EXOSC7: variants seen among roughly 807,000 people sequenced by gnomAD.
EXOSC7 encodes exosome complex component RRP42.
In EXOSC7, 25 loss-of-function variants were observed where a neutral mutation model predicts 34.3. The ratio of observed to expected loss-of-function variants is 0.73; its 90% confidence interval spans 0.53 to 1.02. The LOEUF is 1.02. Among genes scored for constraint, EXOSC7 ranks in the 50% least tolerant of loss-of-function variants. EXOSC7 has a pLI of 0.00. For synonymous variants in EXOSC7, 130 were observed against 143.0 expected (o/e 0.91, Z 0.65); for missense variants, 370 against 368.5 (o/e 1.00, Z -0.03).
At chr3:44,979,135 A>G (rs1390254362) in intron 1 of EXOSC7, among the ~76,000 whole-genome samples, 2 of 152,226 alleles carry the variant, frequency 1.3e-5, no homozygotes, top group Non-Finnish European at 2.9e-5. Context: ...AAAATATGCC[A>G]TATGTATAGA....
chr3:45,007,414 TTG>T lies in EXOSC7; in HGVS notation c.616-5_616-4del. ...CCACCGTGTGCCACGCACCCTGCCT[TTG>T]CAGATTGGCTATCGGCATGTGGTGG... On this transcript the variant is annotated splice_region_variant and splice_polypyrimidine_tract_variant and intron_variant, in intron 6 of 7. Coordinates refer to ENST00000265564, the MANE Select transcript of EXOSC7 (RefSeq NM_015004.4). 1 of 1,614,024 alleles carries T rather than the reference TTG, an allele frequency of 6.2e-7. No individual in the cohort carries two copies. Among genetic ancestry groups the T allele is most frequent in the Non-Finnish European group, 8.5e-7 (1 of 1,179,968 alleles).
intron 3 of EXOSC7, 128 bp downstream of exon 3, chr3:44,989,772 G>T: frequency 1.4e-6 from 1 of 697,190 alleles, no homozygotes; most frequent in Non-Finnish European, 2.5e-6. Context: ...GCAGGCATTT[G>T]CTGACCTCCT....
intron 3 of EXOSC7, among the ~76,000 whole-genome samples, chr3:44,990,461 C>T (rs1195853267): frequency 6.6e-6 from 1 of 152,088 alleles, no homozygotes; most frequent in African/African-American, 2.4e-5. Flanking sequence ...TACTTTGCTT[C>T]TGGAAGCCAG....
At chr3:44,976,478 CG>C in intron 1 of EXOSC7, 144 bp downstream of exon 1, 2 of 721,534 alleles carry the variant, frequency 2.8e-6, no homozygotes, top group East Asian at 6.8e-5. Flanking sequence ...CTGCTGCCGG[CG>C]TTTGCAATTC....
intron 1 of EXOSC7, among the ~76,000 whole-genome samples, chr3:44,983,249 T>C (rs923771520): frequency 6.6e-6 from 1 of 152,212 alleles, no homozygotes; most frequent in Non-Finnish European, 1.5e-5. Context: ...TCCATTCTTA[T>C]CTGTAACCTC....
intron 7 of EXOSC7, among the ~76,000 whole-genome samples, chr3:45,008,894 C>T (rs554084787): frequency 6.6e-6 from 1 of 152,346 alleles, no homozygotes; most frequent in South Asian, 2.1e-4. Context: ...TTATTGTGTG[C>T]GTACTATGTG....
intron 3 of EXOSC7, among the ~76,000 whole-genome samples, chr3:44,995,059 A>C (rs186669295): frequency 6.6e-6 from 1 of 152,112 alleles, no homozygotes; most frequent in Non-Finnish European, 1.5e-5. Flanking sequence ...ATCTCAGCTC[A>C]CTGCAACCTC....
At chr3:44,978,933 G>A (rs1706198131) in intron 1 of EXOSC7, among the ~76,000 whole-genome samples, 1 of 152,154 alleles carries the variant, frequency 6.6e-6, no homozygotes. Flanking sequence ...GCATTGAATG[G>A]GTGATGTAAG....
rs752749311 is a variant in EXOSC7 at position 45,005,301 on chromosome 3, G to T, written c.502G>T (p.Val168Phe). The T allele has an allele frequency of 6.2e-6, 10 of 1,613,988 alleles. No individual in the cohort carries two copies. Among genetic ancestry groups the T allele is most frequent in the Non-Finnish European group, 6.8e-6 (8 of 1,180,012 alleles). Residue 168 changes from valine (V) to phenylalanine (F), a missense_variant, in exon 6 of 8, where the codon GTT (valine) becomes TTT (phenylalanine). Val to Phe is a conservative substitution (Grantham distance 50). Around this residue, in one of 3 missense-constraint regions of EXOSC7, gnomAD observed 255 missense variants for 246.4 expected, o/e 1.03. Coordinates refer to ENST00000265564, the MANE Select transcript of EXOSC7 (RefSeq NM_015004.4). ...TGCTTCTGCTTCCAGGATACCAAGG[G>T]TTCGAGTTTTGGAGGATGAAGAGGG... ...AALFNTRIPR[V>F]RVLEDEEGSK...
chr3:44,996,962 CAG>C (rs1170543484), intron 3 of EXOSC7, 123 bp from the exon 4 acceptor site: 7 of 944,706 alleles, frequency 7.4e-6, no homozygotes, highest in Non-Finnish European at 1.1e-5. Context: ...TTCCTCATCT[CAG>C]TGACTTTCTG....
chr3:44,976,631 A>G (rs1028302317), intron 1 of EXOSC7, among the ~76,000 whole-genome samples: 2 of 152,130 alleles, frequency 1.3e-5, no homozygotes, highest in South Asian at 2.1e-4. Flanking sequence ...AGGGCCATCC[A>G]TTCGGCGTTC....
intron 1 of EXOSC7, among the ~76,000 whole-genome samples, chr3:44,982,140 C>T (rs1227698248): frequency 6.6e-6 from 1 of 152,236 alleles, no homozygotes; most frequent in Non-Finnish European, 1.5e-5. Context: ...TGTGGCCTCT[C>T]TGGGCTCCTC....
At chr3:44,976,872 A>C (rs1395698247) in intron 1 of EXOSC7, among the ~76,000 whole-genome samples, 1 of 152,204 alleles carries the variant, frequency 6.6e-6, no homozygotes, top group Non-Finnish European at 1.5e-5. Flanking sequence ...TCACGAGGTC[A>C]AGAGACCGTC....
At chr3:44,988,652 T>C (rs1225322736) in intron 1 of EXOSC7, among the ~76,000 whole-genome samples, 3 of 152,250 alleles carry the variant, frequency 2.0e-5, no homozygotes, top group African/African-American at 7.2e-5. Flanking sequence ...ACTGCCTCTT[T>C]AGAAGATTAG....
chr3:45,001,663 T>C, intron 5 of EXOSC7, 55 bp downstream of exon 5: 1 of 1,269,022 alleles, frequency 7.9e-7, no homozygotes, highest in South Asian at 1.2e-5. Context: ...AGCAGACACT[T>C]GTAATGGAAC....
chr3:44,997,875 G>A (rs1706765278), intron 4 of EXOSC7, among the ~76,000 whole-genome samples: 1 of 152,118 alleles, frequency 6.6e-6, no homozygotes, highest in Non-Finnish European at 1.5e-5. Flanking sequence ...AGGCCCCAGA[G>A]GCCCTGCCTC....
intron 1 of EXOSC7, among the ~76,000 whole-genome samples, chr3:44,982,168 G>C (rs1046816398): frequency 7.9e-5 from 12 of 152,160 alleles, no homozygotes; most frequent in Admixed American, 7.2e-4. Flanking sequence ...TGACCTGTCA[G>C]CTCCTCTTTA....
chr3:44,989,328 A>T, intron 2 of EXOSC7, 87 bp downstream of exon 2: 1 of 1,078,346 alleles, frequency 9.3e-7, no homozygotes, highest in South Asian at 1.4e-5. Flanking sequence ...GGCTTTTGGA[A>T]TGCAAATTGC....
intron 7 of EXOSC7, among the ~76,000 whole-genome samples, chr3:45,010,574 G>C (rs1433493370): frequency 1.3e-5 from 2 of 152,144 alleles, no homozygotes; most frequent in Non-Finnish European, 1.5e-5. Context: ...GTTTTGTTTT[G>C]TTTTTGTTTT....
Sources: allele counts gnomAD v4.1 joint callset (sites outside exome capture counted in the v4.1 genomes callset), GRCh38; gene constraint gnomAD v4.1.1; regional missense constraint gnomAD v4.1.1; transcripts MANE v1.5; gene names NCBI Gene and HGNC (gene_info 2026-07-23, HGNC 2026-07-21).